ACACB: variants seen among roughly 807,000 people sequenced by gnomAD.
ACACB encodes acetyl-CoA carboxylase 2.
ACACB carries 209 observed loss-of-function variants against 278.8 expected under a neutral mutation model. The observed-to-expected ratio is 0.75, with a 90% CI of 0.67 to 0.84. The LOEUF (loss-of-function observed/expected upper bound fraction) is 0.84. Ranked by LOEUF, ACACB falls within the 40% of genes least tolerant of loss-of-function variation. The pLI, the probability that ACACB is intolerant of heterozygous loss-of-function variation, is 0.00. For missense variants in ACACB, 2,850 were observed against 3,269.0 expected (o/e 0.87, Z 3.13); for synonymous variants, 1,174 against 1,285.6 (o/e 0.91, Z 1.86).
At chr12:109,243,295 A>G (rs2046850557) in intron 37 of ACACB, among the ~76,000 whole-genome samples, 2 of 151,910 alleles carry the variant, frequency 1.3e-5, no homozygotes, top group Admixed American at 1.3e-4. Context: ...TTTTTAGTCT[A>G]CTCTTAAAAA....
At chr12:109,181,840 C>CTTTTTTTTTTTTTTTTTTTTTTTTT (rs34174568) in intron 11 of ACACB, among the ~76,000 whole-genome samples, 1 of 81,550 alleles carries the variant, frequency 1.2e-5, no homozygotes, top group Non-Finnish European at 2.1e-5. Context: ...TTTTCCTTTC[C>CTTTTTTTTTTTTTTTTTTTTTTTTT]TTTTTTTTTT....
At chr12:109,182,135 G>A (rs979419350) in intron 11 of ACACB, among the ~76,000 whole-genome samples, 6 of 152,022 alleles carry the variant, frequency 3.9e-5, no homozygotes, top group Non-Finnish European at 7.4e-5. Flanking sequence ...GAGCCACCGC[G>A]CCCAGCTGCT....
In ACACB at chr12:109,233,939, G is replaced by A. The variant is rs1382189506; in HGVS notation, c.4241G>A (p.Ser1414Asn). ...CTACCCCTTGCTTCTCCCTCTCAGA[G>A]CCTCAGAGAAGAGCCCATCCACATT... ...TSLYSEDDCK[S>N]LREEPIHILN... is the part of the protein sequence containing the mutation. The change falls in exon 31 of 53, where the codon AGC (serine) becomes AAC (asparagine). Residue 1414 changes from serine (S) to asparagine (N), a missense_variant and splice_region_variant. Physicochemically the swap from Ser to Asn is conservative, Grantham distance 46. Coordinates refer to ENST00000338432, the MANE Select transcript of ACACB (RefSeq NM_001093.4). 4 of 1,613,966 alleles carry A rather than the reference G, an allele frequency of 2.5e-6. No individual in the cohort carries two copies. The African/African-American group carries it at 4.0e-5, about 16-fold the overall frequency.
chr12:109,119,465 CTG>C (rs1467311710), intron 1 of ACACB, among the ~76,000 whole-genome samples: 2 of 151,956 alleles, frequency 1.3e-5, no homozygotes, highest in Non-Finnish European at 2.9e-5. Flanking sequence ...TGGCTAGTGC[CTG>C]TAAACCCAGC....
intron 43 of ACACB, 37 bp downstream of exon 43, chr12:109,253,195 C>T: frequency 6.6e-7 from 1 of 1,507,468 alleles, no homozygotes; most frequent in Non-Finnish European, 8.9e-7. Context: ...ACCTGGAAGA[C>T]TCTTATTAAG....
At chr12:109,249,821 C>T (rs955046498) in intron 40 of ACACB, 163 bp from the exon 41 acceptor site, 58 of 765,200 alleles carry the variant, frequency 7.6e-5, no homozygotes, top group Non-Finnish European at 1.1e-4. Context: ...AATCTTAGCA[C>T]TCATTTTGAG....
chr12:109,213,923 T>C (rs2045919456), intron 22 of ACACB, among the ~76,000 whole-genome samples: 2 of 152,124 alleles, frequency 1.3e-5, no homozygotes, highest in East Asian at 3.9e-4. Flanking sequence ...TCTGCCACTT[T>C]TCATGAAAAA....
chr12:109,141,677 G>A (rs990854884), intron 2 of ACACB, among the ~76,000 whole-genome samples: 2 of 152,222 alleles, frequency 1.3e-5, no homozygotes, highest in Non-Finnish European at 2.9e-5. Context: ...TGTTAGCAGT[G>A]AGCTTGGTTT....
Position 109,221,696 on chromosome 12 carries a change from C to A in ACACB, c.3565-811C>A, listed in dbSNP as rs114738013. 3.5e-3 allele frequency among the ~76,000 whole-genome samples: 531 copies of A among 152,210 alleles called. 5 individuals carry two copies. Among genetic ancestry groups the A allele is most frequent in the African/African-American group, 0.012 (511 of 41,530 alleles). On this transcript the variant is annotated intron_variant, in intron 24 of 52. Coordinates refer to ENST00000338432, the MANE Select transcript of ACACB (RefSeq NM_001093.4). Reference sequence around the variant, plus strand: ...TGTGTTCGAATCTGGCTCTGTCTTGCACATGTTTGCTGGCTTTGGGGTGAG... The same window carrying A: ...TGTGTTCGAATCTGGCTCTGTCTTGAACATGTTTGCTGGCTTTGGGGTGAG...
At chr12:109,253,307 C>A (rs2047145244) in intron 43 of ACACB, 149 bp downstream of exon 43, 2 of 857,114 alleles carry the variant, frequency 2.3e-6, no homozygotes, top group Non-Finnish European at 3.5e-6. Context: ...CTTACTCCTT[C>A]TTCCTTCTCT....
chr12:109,228,701 G>T (rs996979444), intron 28 of ACACB, among the ~76,000 whole-genome samples: 7 of 151,998 alleles, frequency 4.6e-5, no homozygotes, highest in Admixed American at 3.3e-4. Context: ...GTCATACTGG[G>T]TGGCTCATGG....
At chr12:109,212,276 G>A (rs1485074657) in intron 21 of ACACB, among the ~76,000 whole-genome samples, 5 of 152,178 alleles carry the variant, frequency 3.3e-5, no homozygotes, top group Admixed American at 1.3e-4. Context: ...TAGCACCAGG[G>A]ACCGGTTTTG....
chr12:109,260,648 A>C lies in ACACB; in HGVS notation c.6665A>C (p.Lys2222Thr), dbSNP rs1479869354. ...NPLCIEMYAD[K>T]ESRGGVLEPE... Reference sequence around the variant, plus strand: ...CTGTGCATAGAAATGTATGCAGACAAAGAGAGCAGGTGGGTGTGTTGCCCT... The same window carrying C: ...CTGTGCATAGAAATGTATGCAGACACAGAGAGCAGGTGGGTGTGTTGCCCT... The change falls in exon 48 of 53, where the codon AAA becomes ACA. Residue 2222 changes from lysine (K) to threonine (T), a missense_variant. Around this residue, in one of 3 missense-constraint regions of ACACB, gnomAD observed 579 missense variants for 684.6 expected, o/e 0.85. Transcript: ENST00000338432. The C allele has an allele frequency of 4.4e-6, 7 of 1,578,378 alleles. No individual in the cohort carries two copies. Among genetic ancestry groups the C allele is most frequent in the Non-Finnish European group, 6.0e-6 (7 of 1,162,840 alleles).
At chr12:109,200,860 C>T (rs1357339197) in intron 18 of ACACB, among the ~76,000 whole-genome samples, 1 of 152,188 alleles carries the variant, frequency 6.6e-6, no homozygotes, top group African/African-American at 2.4e-5. Flanking sequence ...TCGTAAGAGC[C>T]CTAAGAGGTG....
rs71443838 is a variant in ACACB at position 109,133,836 on chromosome 12, C to CATATAT, written c.-9-5538_-9-5533dup. 8.0e-3 allele frequency among the ~76,000 whole-genome samples: 354 copies of CATATAT among 44,166 alleles called. 6 individuals carry two copies. Among genetic ancestry groups the CATATAT allele is most frequent in the Middle Eastern group, 0.015 (1 of 68 alleles). 29.0% of individuals were successfully genotyped at this position (44,166 alleles called of 152,430 possible). A position where few individuals can be genotyped will look rare whatever the true frequency, so the allele number is the denominator to read the frequency against. On this transcript the variant is annotated intron_variant, in intron 1 of 52. Transcript: ENST00000338432. ...CATTGGTTGGTGCTCAATGTGTGTG[C>CATATAT]ATATATATATATATATATATATATA...
upstream of ACACB, among the ~76,000 whole-genome samples, chr12:109,113,805 A>C (rs2042353486): frequency 1.3e-5 from 2 of 152,278 alleles, no homozygotes; most frequent in South Asian, 4.1e-4. Context: ...GGTTGCAGGG[A>C]GGTGCTCTGG....
At chr12:109,130,239 A>G (rs1451089961) in intron 1 of ACACB, among the ~76,000 whole-genome samples, 1 of 152,170 alleles carries the variant, frequency 6.6e-6, no homozygotes, top group Admixed American at 6.5e-5. Flanking sequence ...GGATGAACTC[A>G]TTGAACTCTT....
In ACACB at chr12:109,210,112, T is replaced by C. The variant is rs546797453; in HGVS notation, c.3249+759T>C. Among the ~76,000 whole-genome samples, 98 of 123,638 alleles carry C rather than the reference T, an allele frequency of 7.9e-4. 11 individuals are homozygous for C. Among genetic ancestry groups the C allele is most frequent in the Admixed American group, 1.6e-3 (20 of 12,796 alleles). 81.1% of individuals were successfully genotyped at this position (123,638 alleles called of 152,430 possible). On this transcript the variant is annotated intron_variant, in intron 21 of 52. Transcript: ENST00000338432. The stretch of plus-strand genomic sequence containing the variant: ...ATACACACATGTGTGTGTATATGTA[T>C]ATATACACGTACATGTATGTGTGTA...
At chr12:109,242,697 A>G in intron 37 of ACACB, 105 bp downstream of exon 37, 2 of 1,416,580 alleles carry the variant, frequency 1.4e-6, no homozygotes, top group Non-Finnish European at 1.9e-6. Context: ...AGTCTAAAGG[A>G]CAAGGTCTTG....
Sources: gnomAD v4.1 joint callset for allele counts (sites outside exome capture counted in the v4.1 genomes callset) on GRCh38, gnomAD v4.1.1 for gene constraint, gnomAD v4.1.1 regional missense constraint, MANE v1.5 for transcripts, NCBI Gene and HGNC (gene_info 2026-07-23, HGNC 2026-07-21) for gene names.